Variants in CSMD1 observed in about 807,000 individuals in gnomAD.
CSMD1 encodes CUB and sushi domain-containing protein 1.
CSMD1 carries 213 observed loss-of-function variants against 417.5 expected under a neutral mutation model. The ratio of observed to expected loss-of-function variants is 0.51; its 90% CI spans 0.46 to 0.57. CSMD1 has a LOEUF of 0.57. CSMD1 is among the 20% of genes least tolerant of loss of function. CSMD1 has a pLI of 0.00. For synonymous variants in CSMD1, 2,862 were observed against 1,736.8 expected, an observed-to-expected ratio of 1.65 and a Z score of -16.11; for missense variants, 6,923 against 4,529.7, an observed-to-expected ratio of 1.53 and a Z score of -15.17.
chr8:4,766,941 A>C (rs1458756899), intron 1 of CSMD1, among the ~76,000 whole-genome samples: 1 of 152,220 alleles, frequency 6.6e-6, no homozygotes, highest in Non-Finnish European at 1.5e-5. Context: ...GTACAGAGAC[A>C]CTTTGACTGA....
chr8:4,578,082 G>A (rs974457705), intron 2 of CSMD1, among the ~76,000 whole-genome samples: 11 of 152,106 alleles, frequency 7.2e-5, no homozygotes, highest in Non-Finnish European at 1.0e-4. Flanking sequence ...AAGTGCACCC[G>A]AGTTAGCTCA....
intron 1 of CSMD1, among the ~76,000 whole-genome samples, chr8:4,678,973 G>C (rs1490673667): frequency 1.3e-5 from 2 of 152,208 alleles, no homozygotes; most frequent in African/African-American, 4.8e-5. Flanking sequence ...GCTAAGAGTT[G>C]TGTGCTGCCG....
At chr8:4,478,417 A>ATCTTGTACTTTACTTTGTAAAG (rs1800916280) in intron 2 of CSMD1, among the ~76,000 whole-genome samples, 1 of 152,198 alleles carries the variant, frequency 6.6e-6, no homozygotes, top group Non-Finnish European at 1.5e-5. Context: ...GTAAAGTTAT[A>ATCTTGTACTTTACTTTGTAAAG]TATCTTGTCA....
chr8:4,633,322 C>T (rs1422463843), intron 2 of CSMD1, among the ~76,000 whole-genome samples: 2 of 152,016 alleles, frequency 1.3e-5, no homozygotes, highest in Non-Finnish European at 2.9e-5. Flanking sequence ...TCTCGGCTCA[C>T]TGAAAGCTCC....
At chr8:3,555,812 T>C (rs573364384) in intron 10 of CSMD1, among the ~76,000 whole-genome samples, 2 of 152,174 alleles carry the variant, frequency 1.3e-5, no homozygotes, top group African/African-American at 4.8e-5. Context: ...TGTATGGTTA[T>C]AGACAAAATC....
intron 2 of CSMD1, among the ~76,000 whole-genome samples, chr8:4,600,543 T>C (rs372459734): frequency 1.3e-5 from 2 of 152,202 alleles, no homozygotes; most frequent in African/African-American, 4.8e-5. Context: ...ATGAACACAG[T>C]TGATTATAAC....
chr8:3,867,182 T>A (rs1244244766), intron 5 of CSMD1, among the ~76,000 whole-genome samples: 2 of 152,184 alleles, frequency 1.3e-5, no homozygotes, highest in East Asian at 3.8e-4. Flanking sequence ...TCTTTGGTCT[T>A]GTCAATTGTA....
chr8:3,033,657 T>A (rs1049452000), intron 50 of CSMD1, among the ~76,000 whole-genome samples: 3 of 150,178 alleles, frequency 2.0e-5, no homozygotes, highest in African/African-American at 7.3e-5. Context: ...CACGCGGGAT[T>A]TAAAACCTAG....
chr8:4,526,516 C>T (rs909683667), intron 2 of CSMD1, among the ~76,000 whole-genome samples: 3 of 152,188 alleles, frequency 2.0e-5, no homozygotes, highest in Non-Finnish European at 4.4e-5. Context: ...ATGAAAAAGA[C>T]AGTGGAAACC....
chr8:4,679,978 T>C (rs1805935224), intron 1 of CSMD1, among the ~76,000 whole-genome samples: 1 of 152,214 alleles, frequency 6.6e-6, no homozygotes, highest in Non-Finnish European at 1.5e-5. Flanking sequence ...TTCTAGAATA[T>C]TAGCGATAAC....
intron 12 of CSMD1, among the ~76,000 whole-genome samples, chr8:3,425,814 G>A (rs1324599622): frequency 1.3e-5 from 2 of 152,022 alleles, no homozygotes; most frequent in African/African-American, 2.4e-5. Context: ...CTTGATTCAC[G>A]TATATTGACA....
chr8:4,208,745 A>T (rs1013616003), intron 3 of CSMD1, among the ~76,000 whole-genome samples: 1 of 152,204 alleles, frequency 6.6e-6, no homozygotes, highest in Non-Finnish European at 1.5e-5. Flanking sequence ...GAATATGGAG[A>T]ATATATTGTC....
rs1218145058 is a variant in CSMD1, at chr8:3,068,595, G to A, written c.7475-15948C>T. 1.3e-5 allele frequency among the ~76,000 whole-genome samples: 2 copies of A among 152,138 alleles called. 1 individual carries two copies. The highest frequency in any genetic ancestry group is 3.9e-4 in the East Asian group (2 of 5,188). On this transcript the variant is annotated intron_variant, in intron 49 of 69. Transcript: ENST00000635120. ...TTCTGCAGGCTGTACGGGAAACAAG[G>A]TGCTGGCATCTGCTTGGCTTCTGGG...
At chr8:4,031,428 C>G (rs962382690) in intron 4 of CSMD1, among the ~76,000 whole-genome samples, 6 of 152,134 alleles carry the variant, frequency 3.9e-5, no homozygotes, top group Admixed American at 3.3e-4. Flanking sequence ...TTAAAACCAT[C>G]AGATCTCATA....
chr8:4,679,589 G>C (rs962515209), intron 1 of CSMD1, among the ~76,000 whole-genome samples: 75 of 152,032 alleles, frequency 4.9e-4, no homozygotes, highest in Non-Finnish European at 5.3e-4. Context: ...ACTGCAATAA[G>C]TTCTCTTAAT....
At chr8:3,473,609 A>T (rs1252218642) in intron 11 of CSMD1, among the ~76,000 whole-genome samples, 5 of 152,178 alleles carry the variant, frequency 3.3e-5, no homozygotes, top group Admixed American at 3.3e-4. Flanking sequence ...AGGATTTTCA[A>T]AATAATAATA....
chr8:3,946,371 C>A (rs1015776262), intron 5 of CSMD1, among the ~76,000 whole-genome samples: 13 of 152,016 alleles, frequency 8.6e-5, no homozygotes, highest in African/African-American at 3.1e-4. Flanking sequence ...TATGTGCTGG[C>A]CTGTCTCTGG....
At chr8:4,453,668 G>A (rs1387048742) in intron 2 of CSMD1, among the ~76,000 whole-genome samples, 1 of 151,920 alleles carries the variant, frequency 6.6e-6, no homozygotes, top group Admixed American at 6.6e-5. Context: ...ACACCTGCAG[G>A]TCCCGCAGTC....
At chr8:3,945,488 G>A (rs999489130) in intron 5 of CSMD1, among the ~76,000 whole-genome samples, 1 of 152,006 alleles carries the variant, frequency 6.6e-6, no homozygotes, top group East Asian at 1.9e-4. Flanking sequence ...CTTCAACTGT[G>A]AACTTCCCAT....
Sources: allele counts gnomAD v4.1 joint callset (sites outside exome capture counted in the v4.1 genomes callset), GRCh38; gene constraint gnomAD v4.1.1; transcripts MANE v1.5; gene names NCBI Gene and HGNC (gene_info 2026-07-23, HGNC 2026-07-21).